RANBP17: variants seen among roughly 807,000 people sequenced by gnomAD.
RANBP17 encodes the protein RAN binding protein 17.
RANBP17 carries 158 observed loss-of-function variants against 141.2 expected under a neutral mutation model. The observed-to-expected ratio is 1.12, with a 90% CI of 0.98 to 1.28. RANBP17 has a LOEUF of 1.28. Among genes scored for constraint, RANBP17 ranks in the 50% most tolerant of loss-of-function variants. The pLI, the probability that RANBP17 is intolerant of heterozygous loss-of-function variation, is 0.00. For synonymous variants in RANBP17, 430 were observed against 450.0 expected (o/e 0.96, Z 0.56); for missense variants, 1,438 against 1,290.7 (o/e 1.11, Z -1.75).
At chr5:171,129,733 TCA>T (rs957759176) in intron 14 of RANBP17, among the ~76,000 whole-genome samples, 1 of 152,168 alleles carries the variant, frequency 6.6e-6, no homozygotes, top group Non-Finnish European at 1.5e-5. Context: ...ATCTAAGAAA[TCA>T]CAGTCACACC....
At chr5:170,931,398 C>T (rs1005213664) in intron 12 of RANBP17, among the ~76,000 whole-genome samples, 1 of 152,146 alleles carries the variant, frequency 6.6e-6, no homozygotes, top group African/African-American at 2.4e-5. Flanking sequence ...TTTTGCTGTG[C>T]AGAAGCTCTT....
chr5:170,973,193 A>T (rs1561946413), intron 14 of RANBP17, among the ~76,000 whole-genome samples: 1 of 152,204 alleles, frequency 6.6e-6, no homozygotes, highest in African/African-American at 2.4e-5. Flanking sequence ...AGGAAAAAAA[A>T]TTATAAAATT....
intron 14 of RANBP17, among the ~76,000 whole-genome samples, chr5:170,969,920 A>G (rs1321302401): frequency 1.3e-5 from 2 of 151,960 alleles, no homozygotes; most frequent in Non-Finnish European, 2.9e-5. Context: ...TAAGGTGACA[A>G]AATTTCTAAG....
At chr5:170,941,985 G>A (rs1459354202) in intron 12 of RANBP17, among the ~76,000 whole-genome samples, 1 of 152,146 alleles carries the variant, frequency 6.6e-6, no homozygotes, top group Non-Finnish European at 1.5e-5. Context: ...GCCAGGAACT[G>A]GGTTGCACAG....
Position 171,102,907 on chromosome 5 carries a change from T to G in RANBP17, c.1711-67223T>G, listed in dbSNP as rs1270593306. On this transcript the variant is annotated intron_variant, in intron 14 of 27. Coordinates refer to ENST00000523189, the MANE Select transcript of RANBP17 (RefSeq NM_022897.5). ...CTGGGGGCCCACACCAGACCCTGTT[T>G]GCCTGGGTATCACCAGCAGAGGCTA... Among the ~76,000 whole-genome samples, 4 of 152,174 alleles carry G rather than the reference T, an allele frequency of 2.6e-5. No individual in the cohort carries two copies. In the East Asian group the frequency reaches 7.7e-4, roughly 29 times the overall value.
At chr5:171,207,383 A>C (rs914539827) in intron 20 of RANBP17, 2 of 152,226 alleles carry the variant, frequency 1.3e-5, no homozygotes, top group Admixed American at 6.5e-5. Flanking sequence ...GATACTGCCC[A>C]AAATTTAGAG....
At chr5:171,175,591 A>AAAAC (rs1445846603) in intron 16 of RANBP17, among the ~76,000 whole-genome samples, 1 of 152,124 alleles carries the variant, frequency 6.6e-6, no homozygotes, top group African/African-American at 2.4e-5. Flanking sequence ...TTACAAGAAA[A>AAAAC]AAACAACCCC....
At chr5:171,017,533 C>T (rs954125770) in intron 14 of RANBP17, among the ~76,000 whole-genome samples, 1 of 152,094 alleles carries the variant, frequency 6.6e-6, no homozygotes, top group Non-Finnish European at 1.5e-5. Flanking sequence ...CATATGTTTG[C>T]TGGCTGGATA....
chr5:171,049,586 G>A (rs1782822773), intron 14 of RANBP17, among the ~76,000 whole-genome samples: 2 of 151,968 alleles, frequency 1.3e-5, no homozygotes, highest in South Asian at 2.1e-4. Context: ...TAGTTTCCAG[G>A]GTTTTTATAA....
At chr5:170,999,577 T>C (rs1468104913) in intron 14 of RANBP17, among the ~76,000 whole-genome samples, 2 of 152,216 alleles carry the variant, frequency 1.3e-5, no homozygotes. Flanking sequence ...ATGAATGCTA[T>C]ATACATTTAG....
At chr5:171,063,926 A>T (rs1784109752) in intron 14 of RANBP17, among the ~76,000 whole-genome samples, 1 of 152,194 alleles carries the variant, frequency 6.6e-6, no homozygotes, top group South Asian at 2.1e-4. Context: ...CTGCTGTGCT[A>T]GCAGTCAGCG....
intron 14 of RANBP17, among the ~76,000 whole-genome samples, chr5:171,019,411 T>A (rs943048531): frequency 3.3e-5 from 5 of 152,188 alleles, no homozygotes; most frequent in African/African-American, 1.2e-4. Context: ...GTTGGTAGGC[T>A]ATGAATTACT....
In RANBP17 at chr5:170,979,372, T is replaced by G. The variant is rs115773654; in HGVS notation, c.1710+10995T>G. 6.7e-3 allele frequency among the ~76,000 whole-genome samples: 1,019 copies of G among 152,306 alleles called. 6 individuals carry two copies. Among genetic ancestry groups the G allele is most frequent in the Non-Finnish European group, 7.6e-3 (518 of 68,010 alleles). On this transcript the variant is annotated intron_variant, in intron 14 of 27. Transcript: ENST00000523189. ...CTAGTTAAATATAGCAAATTAAAAT[T>G]TCACATTTACCCTCCTGTCCCCTTG...
At position 170,916,974 on chromosome 5, in the gene RANBP17, C is replaced by T. The variant is rs1482584397; in HGVS notation, c.954+390C>T. 1.3e-5 allele frequency among the ~76,000 whole-genome samples: 2 copies of T among 152,114 alleles called. 1 individual carries two copies. Among genetic ancestry groups the T allele is most frequent in the Non-Finnish European group, 2.9e-5 (2 of 68,008 alleles). ...CAAATGATCCACCTGCCTCGGCCTCCCAAAGTGCTGGGATTACAGGCATGA... is the reference window on the plus strand; with the variant it reads ...CAAATGATCCACCTGCCTCGGCCTCTCAAAGTGCTGGGATTACAGGCATGA... On this transcript the variant is annotated intron_variant, in intron 9 of 27. Transcript: ENST00000523189.
intron 14 of RANBP17, among the ~76,000 whole-genome samples, chr5:171,043,093 G>T (rs1433677593): frequency 6.6e-6 from 1 of 152,174 alleles, no homozygotes; most frequent in Non-Finnish European, 1.5e-5. Context: ...CCTGTATCAA[G>T]TGACTGACTA....
chr5:171,236,026 A>G (rs1355377927), intron 22 of RANBP17, among the ~76,000 whole-genome samples: 1 of 152,196 alleles, frequency 6.6e-6, no homozygotes, highest in Non-Finnish European at 1.5e-5. Flanking sequence ...TTAATCTGAA[A>G]GGGAAATATT....
At chr5:171,083,451 T>C (rs556700672) in intron 14 of RANBP17, among the ~76,000 whole-genome samples, 1 of 152,262 alleles carries the variant, frequency 6.6e-6, no homozygotes, top group South Asian at 2.1e-4. Context: ...CTGTGAGAAA[T>C]AAATTTCTGT....
intron 14 of RANBP17, among the ~76,000 whole-genome samples, chr5:170,979,578 G>C (rs1184351168): frequency 6.6e-6 from 1 of 152,140 alleles, no homozygotes; most frequent in African/African-American, 2.4e-5. Flanking sequence ...TGTTCTCATG[G>C]TAGTGACTAA....
At chr5:171,215,927 A>G (rs1044838173) in intron 21 of RANBP17, among the ~76,000 whole-genome samples, 4 of 152,066 alleles carry the variant, frequency 2.6e-5, no homozygotes, top group South Asian at 2.1e-4. Flanking sequence ...CCGTTTGTCA[A>G]TGTTGGCTTT....
Sources: allele counts gnomAD v4.1 joint callset (sites outside exome capture counted in the v4.1 genomes callset), GRCh38; gene constraint gnomAD v4.1.1; transcripts MANE v1.5; gene names NCBI Gene and HGNC (gene_info 2026-07-23, HGNC 2026-07-21).